The following TMTC4 variants were observed in gnomAD, a reference collection of about 807,000 sequenced individuals.
The protein encoded by TMTC4 is protein O-mannosyl-transferase TMTC4.
Under a neutral mutation model 86.0 loss-of-function variants are expected in TMTC4, and 65 were observed. The observed-to-expected ratio is 0.76, with a 90% CI of 0.62 to 0.93. The LOEUF is 0.93. Among genes scored for constraint, TMTC4 ranks in the 40% least tolerant of loss-of-function variants. The pLI, the probability that TMTC4 is intolerant of heterozygous loss-of-function variation, is 0.00. For synonymous variants in TMTC4, 379 were observed against 382.5 expected (o/e 0.99, Z 0.11); for missense variants, 866 against 948.1 (o/e 0.91, Z 1.14).
chr13:100,618,344 C>G (rs779869420), intron 15 of TMTC4, among the ~76,000 whole-genome samples: 2 of 151,862 alleles, frequency 1.3e-5, no homozygotes, highest in African/African-American at 4.8e-5. Context: ...TCTTGCCCGA[C>G]TGCTCTGGCT....
chr13:100,655,016 A>ATTTTTTTTTTT lies in TMTC4; in HGVS notation c.640+1354_640+1364dup, dbSNP rs35965658. Among the ~76,000 whole-genome samples the ATTTTTTTTTTT allele has an allele frequency of 4.2e-5, 5 of 118,656 alleles. 1 individual carries two copies. The highest frequency in any genetic ancestry group is 3.4e-5 in the Non-Finnish European group (2 of 59,212). The allele number at this position is 118,656 out of a possible 152,430, so 77.8% of individuals were successfully genotyped here. The stretch of plus-strand genomic sequence containing the variant: ...GTCTTTGAGAAAAGCCACAACGCCT[A>ATTTTTTTTTTT]TTTTTTTTTTTTTTTTTTTTTGTGA... On this transcript the variant is annotated intron_variant, in intron 6 of 18. Coordinates refer to ENST00000342624, the MANE Select transcript of TMTC4 (RefSeq NM_032813.5).
chr13:100,647,749 A>G (rs1441239319), intron 6 of TMTC4, among the ~76,000 whole-genome samples: 45 of 152,238 alleles, frequency 3.0e-4, no homozygotes, highest in Admixed American at 2.9e-3. Flanking sequence ...CACAGACACG[A>G]AAGTGATGGG....
chr13:100,634,011 G>A (rs1405979908), intron 12 of TMTC4, among the ~76,000 whole-genome samples: 1 of 152,076 alleles, frequency 6.6e-6, no homozygotes, highest in Non-Finnish European at 1.5e-5. Flanking sequence ...GTGGTAGCAA[G>A]CGCCTGTAAT....
At chr13:100,609,315 T>C (rs1877176350) in intron 17 of TMTC4, among the ~76,000 whole-genome samples, 1 of 152,152 alleles carries the variant, frequency 6.6e-6, no homozygotes, top group African/African-American at 2.4e-5. Flanking sequence ...ATGCGTTGTT[T>C]CTCCTTTAAA....
At chr13:100,667,386 G>A (rs769808972) in intron 3 of TMTC4, among the ~76,000 whole-genome samples, 2 of 151,296 alleles carry the variant, frequency 1.3e-5, no homozygotes, top group Non-Finnish European at 2.9e-5. Flanking sequence ...CCAAAATCGT[G>A]ACACTGTGCT....
At chr13:100,641,717 C>G (rs1053965534) in intron 7 of TMTC4, among the ~76,000 whole-genome samples, 22 of 152,172 alleles carry the variant, frequency 1.4e-4, no homozygotes, top group Admixed American at 1.1e-3. Context: ...GAACTCCCGA[C>G]CTCAGGTGAT....
chr13:100,630,660 T>C (rs964904214), intron 12 of TMTC4, among the ~76,000 whole-genome samples: 1 of 152,066 alleles, frequency 6.6e-6, no homozygotes, highest in Non-Finnish European at 1.5e-5. Context: ...AGAATACAAA[T>C]ACAGCTTCTA....
chr13:100,606,450 AG>A (rs778202001), intron 17 of TMTC4, 23 bp from the exon 18 acceptor site: 2 of 1,596,790 alleles, frequency 1.3e-6, no homozygotes, highest in Admixed American at 3.4e-5. Context: ...AAACATAAAA[AG>A]GAAGATATTT....
chr13:100,611,564 G>A (rs1453873004), intron 17 of TMTC4, among the ~76,000 whole-genome samples: 4 of 152,072 alleles, frequency 2.6e-5, no homozygotes, highest in Non-Finnish European at 4.4e-5. Flanking sequence ...CAGCCTGGGC[G>A]AAAGAGCGAG....
chr13:100,642,895 A>G (rs1401609787), intron 6 of TMTC4, among the ~76,000 whole-genome samples: 6 of 152,206 alleles, frequency 3.9e-5, no homozygotes. Context: ...GCACCTACCT[A>G]GCACCTGGGG....
intron 15 of TMTC4, among the ~76,000 whole-genome samples, chr13:100,615,552 G>A (rs190154038): frequency 1.3e-5 from 2 of 152,074 alleles, no homozygotes; most frequent in East Asian, 1.9e-4. Context: ...TCCCAAGTTC[G>A]AACAATTCTC....
chr13:100,628,133 C>A (rs187640423), intron 12 of TMTC4, among the ~76,000 whole-genome samples: 7 of 152,240 alleles, frequency 4.6e-5, no homozygotes, highest in African/African-American at 9.6e-5. Context: ...GATAGGCTGA[C>A]GTGGAAGTCC....
chr13:100,619,114 G>A lies in TMTC4; in HGVS notation c.1837-4684C>T, dbSNP rs530227365. Among the ~76,000 whole-genome samples the A allele has an allele frequency of 6.7e-5, 10 of 149,426 alleles. No individual in the cohort carries two copies. The East Asian group carries it at 1.2e-3, about 18-fold the overall frequency. ...TCCCGGACGGGGCGGCTGGCCGGAC[G>A]GGGGGCTGACCCACCCACCTCCCTC... On this transcript the variant is annotated intron_variant, in intron 15 of 18. Transcript: ENST00000342624.
At position 100,609,680 on chromosome 13, in the gene TMTC4, T is replaced by TACACACACAC. The variant is rs60083702; in HGVS notation, c.2064+2708_2064+2717dup. On this transcript the variant is annotated intron_variant, in intron 17 of 18. Transcript: ENST00000342624. ...TGAATGCTCACTAAATGTATATATA[T>TACACACACAC]ACACACACACACACACACACACCCA... Among the ~76,000 whole-genome samples the TACACACACAC allele has an allele frequency of 8.6e-5, 13 of 150,836 alleles. 1 individual carries two copies. The East Asian group carries it at 1.6e-3, about 18-fold the overall frequency.
At position 100,606,269 on chromosome 13, in the gene TMTC4, T is replaced by C. The variant is rs577278036; in HGVS notation, c.2134+89A>G. 378 of 1,148,254 alleles carry C rather than the reference T, an allele frequency of 3.3e-4. 3 individuals carry two copies. Among genetic ancestry groups the C allele is most frequent in the Middle Eastern group, 2.9e-3 (15 of 5,112 alleles). 71.1% of individuals were successfully genotyped at this position (1,148,254 alleles called of 1,614,324 possible). On this transcript the variant is annotated intron_variant, in intron 18 of 18. Transcript: ENST00000342624. ...AAAGCCAGGCTAGCTTTGAAAAAACTACTCTCCCAACATTAATTTTATAGA... is the reference window on the plus strand; with the variant it reads ...AAAGCCAGGCTAGCTTTGAAAAAACCACTCTCCCAACATTAATTTTATAGA...
At chr13:100,655,640 T>A (rs1198705606) in intron 6 of TMTC4, among the ~76,000 whole-genome samples, 1 of 152,204 alleles carries the variant, frequency 6.6e-6, no homozygotes, top group East Asian at 1.9e-4. Context: ...CTGCAGTGCA[T>A]TATTGCTAAG....
intron 15 of TMTC4, among the ~76,000 whole-genome samples, chr13:100,616,076 G>A (rs751358835): frequency 1.3e-5 from 2 of 149,566 alleles, no homozygotes; most frequent in African/African-American, 2.5e-5. Flanking sequence ...TTTTTTTTTC[G>A]TATGGTTGTG....
intron 2 of TMTC4, among the ~76,000 whole-genome samples, chr13:100,669,143 C>G (rs1886758462): frequency 6.6e-6 from 1 of 152,186 alleles, no homozygotes; most frequent in South Asian, 2.1e-4. Flanking sequence ...AAAAAAGTTA[C>G]CATCCTACCT....
Position 100,663,241 on chromosome 13 carries a change from G to A in TMTC4, c.336-61C>T, listed in dbSNP as rs1886010964. On this transcript the variant is annotated intron_variant, in intron 4 of 18. Coordinates refer to ENST00000342624, the MANE Select transcript of TMTC4 (RefSeq NM_032813.5). ...GCGGCATGCGGCAAGAAATGGCAAAGGTCTGGAGGAGAAGGCTTGTGTGTG... is the reference window on the plus strand; with the variant it reads ...GCGGCATGCGGCAAGAAATGGCAAAAGTCTGGAGGAGAAGGCTTGTGTGTG... The A allele has an allele frequency of 3.4e-6, 5 of 1,458,708 alleles. No individual in the cohort carries two copies. The South Asian group carries it at 5.7e-5, about 17-fold the overall frequency. The allele number at this position is 1,458,708 out of a possible 1,614,324, so 90.4% of individuals were successfully genotyped here.
Sources: gnomAD v4.1 joint callset for allele counts (sites outside exome capture counted in the v4.1 genomes callset) on GRCh38, gnomAD v4.1.1 for gene constraint, MANE v1.5 for transcripts, NCBI Gene and HGNC (gene_info 2026-07-23, HGNC 2026-07-21) for gene names.